Variants in ZBTB7C observed in about 807,000 individuals in gnomAD.
ZBTB7C encodes zinc finger and BTB domain containing 7C.
Under a neutral mutation model 25.7 loss-of-function variants are expected in ZBTB7C, and 8 were observed. The observed-to-expected ratio is 0.31, with a 90% CI of 0.18 to 0.56. The LOEUF is 0.56. Among genes scored for constraint, ZBTB7C ranks in the 20% least tolerant of loss-of-function variants. ZBTB7C has a pLI of 0.91. For missense variants in ZBTB7C, 824 were observed against 855.2 expected (o/e 0.96, Z 0.46); for synonymous variants, 394 against 369.0 (o/e 1.07, Z -0.78).
chr18:48,390,156 A>G (rs1245894467), intron 1 of ZBTB7C, among the ~76,000 whole-genome samples: 2 of 152,246 alleles, frequency 1.3e-5, no homozygotes, highest in African/African-American at 2.4e-5. Context: ...TAACCACAAT[A>G]GTAATATATC....
chr18:48,047,095 G>C (rs527282456), intron 3 of ZBTB7C, among the ~76,000 whole-genome samples: 1 of 152,130 alleles, frequency 6.6e-6, no homozygotes, highest in Admixed American at 6.5e-5. Context: ...GGTGAGCTGC[G>C]GTCAGGAGGT....
intron 2 of ZBTB7C, among the ~76,000 whole-genome samples, chr18:48,325,909 GTCT>G (rs2046207280): frequency 1.3e-5 from 2 of 151,992 alleles, no homozygotes; most frequent in South Asian, 4.2e-4. Context: ...GGACCCATAA[GTCT>G]TCACCAAAAC....
intron 3 of ZBTB7C, among the ~76,000 whole-genome samples, chr18:48,179,935 TTCCTTCCTTCCTTCCC>T: frequency 2.0e-4 from 5 of 24,414 alleles, no homozygotes; most frequent in African/African-American, 6.6e-4. Flanking sequence ...CCTTCCCTGC[TTCCTTCCTTCCTTCCC>T]TGCTTCCTTC....
At chr18:48,036,805 C>T (rs573441230) in intron 4 of ZBTB7C, among the ~76,000 whole-genome samples, 4 of 152,172 alleles carry the variant, frequency 2.6e-5, no homozygotes, top group South Asian at 2.1e-4. Flanking sequence ...TTAGGAATCG[C>T]GTTGGGGAAT....
At chr18:48,073,098 G>T (rs2037615074) in intron 3 of ZBTB7C, among the ~76,000 whole-genome samples, 1 of 152,230 alleles carries the variant, frequency 6.6e-6, no homozygotes, top group Non-Finnish European at 1.5e-5. Flanking sequence ...ATGGAAAACT[G>T]GTTTGGCTCA....
chr18:48,342,940 C>CCTA (rs147180026), intron 1 of ZBTB7C, among the ~76,000 whole-genome samples: 9,320 of 152,198 alleles, frequency 0.061, 323 homozygotes, highest in Non-Finnish European at 0.074. Context: ...CATCCTCCAG[C>CCTA]CTACGTTTAA....
chr18:48,372,610 A>G (rs2047413359), intron 1 of ZBTB7C, among the ~76,000 whole-genome samples: 1 of 152,170 alleles, frequency 6.6e-6, no homozygotes, highest in African/African-American at 2.4e-5. Context: ...TGATTGACTA[A>G]CAAAACTTCA....
intron 2 of ZBTB7C, among the ~76,000 whole-genome samples, chr18:48,192,796 A>G (rs1218569251): frequency 6.6e-6 from 1 of 152,222 alleles, no homozygotes; most frequent in Non-Finnish European, 1.5e-5. Flanking sequence ...ATGTGTCAAT[A>G]TTGTGTCATC....
chr18:48,045,499 T>C (rs1396058248), intron 3 of ZBTB7C, among the ~76,000 whole-genome samples: 1 of 152,186 alleles, frequency 6.6e-6, no homozygotes, highest in African/African-American at 2.4e-5. Flanking sequence ...TCCCCTCCAA[T>C]GTGCCCTAAA....
chr18:48,103,112 T>C (rs945873312), intron 3 of ZBTB7C, among the ~76,000 whole-genome samples: 11 of 130,964 alleles, frequency 8.4e-5, no homozygotes, highest in Non-Finnish European at 1.7e-4. Flanking sequence ...ATATTTTATA[T>C]TATCTATCTA....
At chr18:48,154,207 G>C (rs1402213695) in intron 3 of ZBTB7C, among the ~76,000 whole-genome samples, 1 of 152,114 alleles carries the variant, frequency 6.6e-6, no homozygotes, top group Non-Finnish European at 1.5e-5. Context: ...GTCAGGAATC[G>C]ATCTGAATGG....
chr18:48,358,185 C>G (rs951899855), intron 1 of ZBTB7C, among the ~76,000 whole-genome samples: 2 of 152,056 alleles, frequency 1.3e-5, no homozygotes, highest in African/African-American at 2.4e-5. Context: ...AACCCCGTCT[C>G]CACTAAAAAT....
chr18:48,383,535 G>C (rs1006446110), intron 1 of ZBTB7C, among the ~76,000 whole-genome samples: 2 of 152,136 alleles, frequency 1.3e-5, no homozygotes, highest in Non-Finnish European at 2.9e-5. Flanking sequence ...CAAAGTGCTG[G>C]GATTATAGGC....
Position 48,040,304 on chromosome 18 carries a change from G to C in ZBTB7C, c.804C>G (p.Ala268=), listed in dbSNP as rs2036166718. The C allele has an allele frequency of 8.9e-6, 14 of 1,579,682 alleles. No homozygotes were observed. The highest frequency in any genetic ancestry group is 1.2e-5 in the Non-Finnish European group (14 of 1,164,800). Reference sequence around the variant, plus strand: ...TGTCCATGGGCTGCTCAGGCAGCTGGGCAAAGGCACCGAAGTCCCCTGGCC... The same window carrying C: ...TGTCCATGGGCTGCTCAGGCAGCTGCGCAAAGGCACCGAAGTCCCCTGGCC... ...HLWPGDFGAF[A]QLPEQPMDSG... The change falls in exon 4 of 5, where the codon GCC becomes GCG. Residue 268 remains alanine (A), a synonymous_variant. Coordinates refer to ENST00000590800, the MANE Select transcript of ZBTB7C (RefSeq NM_001318841.2).
intron 2 of ZBTB7C, among the ~76,000 whole-genome samples, chr18:48,208,193 T>C (rs1459021735): frequency 6.6e-6 from 1 of 151,842 alleles, no homozygotes; most frequent in East Asian, 1.9e-4. Context: ...AGTAAAAAGG[T>C]TAATGCATCA....
chr18:48,163,136 GC>G (rs1470904646), intron 3 of ZBTB7C, among the ~76,000 whole-genome samples: 6 of 152,150 alleles, frequency 3.9e-5, no homozygotes, highest in Non-Finnish European at 5.9e-5. Flanking sequence ...TATTGGAGAG[GC>G]CCCAAAGATG....
At chr18:48,385,810 C>G (rs1271277246) in intron 1 of ZBTB7C, among the ~76,000 whole-genome samples, 1 of 152,206 alleles carries the variant, frequency 6.6e-6, no homozygotes, top group Non-Finnish European at 1.5e-5. Flanking sequence ...TCCTCGCCAG[C>G]CCACACGACG....
At chr18:48,322,912 T>C (rs2046132136) in intron 2 of ZBTB7C, among the ~76,000 whole-genome samples, 1 of 152,148 alleles carries the variant, frequency 6.6e-6, no homozygotes, top group African/African-American at 2.4e-5. Flanking sequence ...CTGGATGGGA[T>C]TGGAGACTAT....
chr18:48,207,883 G>A lies in ZBTB7C; in HGVS notation c.-78-21888C>T, dbSNP rs192642791. On this transcript the variant is annotated intron_variant, in intron 2 of 4. Coordinates refer to ENST00000590800, the MANE Select transcript of ZBTB7C (RefSeq NM_001318841.2). ...TAGTGGTTACCTTTGAGGGAGTTCCGACTGGACGGAGGTTTAAGAGGGAGC... is the reference window on the plus strand; with the variant it reads ...TAGTGGTTACCTTTGAGGGAGTTCCAACTGGACGGAGGTTTAAGAGGGAGC... Among the ~76,000 whole-genome samples, 38 of 152,266 alleles carry A rather than the reference G, an allele frequency of 2.5e-4. 1 individual carries two copies. Among genetic ancestry groups the A allele is most frequent in the Admixed American group, 1.6e-3 (24 of 15,294 alleles).
Sources: allele counts gnomAD v4.1 joint callset (sites outside exome capture counted in the v4.1 genomes callset), GRCh38; gene constraint gnomAD v4.1.1; transcripts MANE v1.5; gene names NCBI Gene and HGNC (gene_info 2026-07-23, HGNC 2026-07-21).